The following CABIN1 variants were observed in gnomAD, a reference collection of about 807,000 sequenced individuals.
The protein encoded by CABIN1 is calcineurin binding protein 1, also known as calcineurin-binding protein cabin-1.
In CABIN1, 133 loss-of-function variants were observed where a neutral mutation model predicts 227.7. That is an observed-to-expected ratio of 0.58 (90% CI 0.51 to 0.67). CABIN1 has a LOEUF of 0.67. CABIN1 is among the 30% of genes least tolerant of loss of function. The probability of loss-of-function intolerance (pLI) is 0.00; values close to 1 mark genes in which losing one functional copy is unlikely to be tolerated. For missense variants in CABIN1, 2,408 were observed against 2,852.5 expected, an observed-to-expected ratio of 0.84 and a Z score of 3.55; for synonymous variants, 1,086 against 1,155.1, an observed-to-expected ratio of 0.94 and a Z score of 1.21.
chr22:24,017,160 C>G, intron 1 of CABIN1, among the ~76,000 whole-genome samples: 1 of 151,680 alleles, frequency 6.6e-6, no homozygotes, highest in Non-Finnish European at 1.5e-5. Flanking sequence ...CCTCAGCCTC[C>G]CGAGTAGCTG....
At chr22:24,136,093 C>A (rs912255161) in intron 29 of CABIN1, among the ~76,000 whole-genome samples, 6 of 152,188 alleles carry the variant, frequency 3.9e-5, no homozygotes, top group African/African-American at 1.4e-4. Context: ...GCCACAGCCA[C>A]CTCCCCACAG....
At chr22:24,158,036 C>T (rs527663670) in intron 29 of CABIN1, among the ~76,000 whole-genome samples, 2 of 152,240 alleles carry the variant, frequency 1.3e-5, no homozygotes, top group South Asian at 2.1e-4. Flanking sequence ...TCGCCTGTTC[C>T]GAGCACTGAG....
chr22:24,129,611 T>C (rs2043944516), intron 28 of CABIN1, among the ~76,000 whole-genome samples: 1 of 152,232 alleles, frequency 6.6e-6, no homozygotes, highest in Non-Finnish European at 1.5e-5. Flanking sequence ...ACTAGACTTG[T>C]CCTGGAGGAG....
chr22:24,165,716 T>A, intron 31 of CABIN1, 90 bp downstream of exon 31: 1 of 999,446 alleles, frequency 1.0e-6, no homozygotes. Flanking sequence ...TCTATTTGCA[T>A]ACCCTTAGGC....
intron 26 of CABIN1, among the ~76,000 whole-genome samples, chr22:24,107,176 C>A (rs1002171418): frequency 6.6e-6 from 1 of 152,198 alleles, no homozygotes; most frequent in Non-Finnish European, 1.5e-5. Flanking sequence ...CCCTGCCTCT[C>A]CAGCTCTGCC....
At chr22:24,093,660 T>C (rs945715662) in intron 24 of CABIN1, among the ~76,000 whole-genome samples, 3 of 152,004 alleles carry the variant, frequency 2.0e-5, no homozygotes, top group Non-Finnish European at 2.9e-5. Flanking sequence ...GTTTGAGATA[T>C]AGAGCTGGGG....
intron 29 of CABIN1, among the ~76,000 whole-genome samples, chr22:24,155,174 T>A (rs1405296486): frequency 6.6e-6 from 1 of 152,154 alleles, no homozygotes; most frequent in African/African-American, 2.4e-5. Flanking sequence ...GCAGCCTACC[T>A]TCATGGGAAA....
At chr22:24,085,502 A>C (rs562168486) in intron 22 of CABIN1, among the ~76,000 whole-genome samples, 1 of 152,110 alleles carries the variant, frequency 6.6e-6, no homozygotes, top group Non-Finnish European at 1.5e-5. Context: ...ACAGCCCCAG[A>C]GTGTGTACTC....
chr22:24,059,783 C>G lies in CABIN1; in HGVS notation c.1400-141C>G, dbSNP rs571234246. On this transcript the variant is annotated intron_variant, in intron 11 of 36. Coordinates refer to ENST00000263119, the MANE Select transcript of CABIN1 (RefSeq NM_012295.4). ...GGCATTGAACCCAGTAGCCTGATCT[C>G]AGCACCACAACGTGGTATCATGTCC... The G allele has an allele frequency of 6.4e-6, 5 of 786,526 alleles. No homozygotes were observed. In the East Asian group the frequency reaches 1.1e-4, roughly 17 times the overall value. The allele number at this position is 786,526 out of a possible 1,614,324, so 48.7% of individuals were successfully genotyped here.
At chr22:24,102,148 G>A (rs2042242012) in intron 26 of CABIN1, 1 of 152,306 alleles carries the variant, frequency 6.6e-6, no homozygotes, top group South Asian at 2.1e-4. Flanking sequence ...CTGACACTAG[G>A]AAGGCCCTGT....
At chr22:24,168,390 G>A in intron 32 of CABIN1, 57 bp from the exon 33 acceptor site, 1 of 1,503,060 alleles carries the variant, frequency 6.7e-7, no homozygotes, top group Non-Finnish European at 9.1e-7. Flanking sequence ...AGACAGGGCT[G>A]GGGGAGGCTA....
chr22:24,146,500 G>A (rs1194144828), intron 29 of CABIN1, among the ~76,000 whole-genome samples: 2 of 152,110 alleles, frequency 1.3e-5, no homozygotes. Flanking sequence ...AGGTGGAGAG[G>A]GGGTGCTTCC....
intron 6 of CABIN1, among the ~76,000 whole-genome samples, chr22:24,048,824 C>T (rs1313604244): frequency 2.0e-5 from 3 of 152,158 alleles, no homozygotes; most frequent in Non-Finnish European, 4.4e-5. Flanking sequence ...CCCAGGTCAT[C>T]GAGGATCTGT....
At chr22:24,118,555 G>A (rs2043214269) in intron 27 of CABIN1, among the ~76,000 whole-genome samples, 1 of 152,192 alleles carries the variant, frequency 6.6e-6, no homozygotes, top group Non-Finnish European at 1.5e-5. Flanking sequence ...CAGGCAGGCT[G>A]TGCAGGGCGT....
chr22:24,021,131 C>A (rs2035693322), intron 1 of CABIN1, among the ~76,000 whole-genome samples: 1 of 151,946 alleles, frequency 6.6e-6, no homozygotes, highest in Non-Finnish European at 1.5e-5. Flanking sequence ...TGCTCAGTAG[C>A]TGGGACTACA....
chr22:24,128,806 C>T (rs1235452132), intron 28 of CABIN1, among the ~76,000 whole-genome samples: 1 of 152,194 alleles, frequency 6.6e-6, no homozygotes, highest in African/African-American at 2.4e-5. Flanking sequence ...CCTGTGGAGC[C>T]CTACTGGTCT....
chr22:24,034,994 C>T (rs372119652), intron 1 of CABIN1, among the ~76,000 whole-genome samples: 1 of 152,192 alleles, frequency 6.6e-6, no homozygotes, highest in Non-Finnish European at 1.5e-5. Context: ...CATCACACCT[C>T]GCTCTCCCTG....
At chr22:24,015,285 A>G (rs2035175967) in intron 1 of CABIN1, among the ~76,000 whole-genome samples, 1 of 151,176 alleles carries the variant, frequency 6.6e-6, no homozygotes, top group Non-Finnish European at 1.5e-5. Context: ...AAAAAAAAAA[A>G]AAAAAAAAAG....
intron 28 of CABIN1, among the ~76,000 whole-genome samples, chr22:24,129,329 T>C (rs772221380): frequency 3.9e-5 from 6 of 152,196 alleles, no homozygotes; most frequent in Non-Finnish European, 8.8e-5. Flanking sequence ...AGTGAAACGA[T>C]TGCTGGCAGA....
Sources: allele counts gnomAD v4.1 joint callset (sites outside exome capture counted in the v4.1 genomes callset), GRCh38; gene constraint gnomAD v4.1.1; transcripts MANE v1.5; gene names NCBI Gene and HGNC (gene_info 2026-07-23, HGNC 2026-07-21).